FRY: variants seen among roughly 807,000 people sequenced by gnomAD.
FRY encodes the protein protein furry homolog.
In FRY, 128 loss-of-function variants were observed where a neutral mutation model predicts 348.4. The ratio of observed to expected loss-of-function variants is 0.37; its 90% CI spans 0.32 to 0.43. The LOEUF (loss-of-function observed/expected upper bound fraction) is 0.43, where lower values mean the gene tolerates loss of function less well. Ranked by LOEUF, FRY falls within the 20% of genes least tolerant of loss-of-function variation. The pLI, the probability that FRY is intolerant of heterozygous loss-of-function variation, is 1.00. For synonymous variants in FRY, 1,370 were observed against 1,374.7 expected, an observed-to-expected ratio of 1.00 and a Z score of 0.08; for missense variants, 2,736 against 3,695.2, an observed-to-expected ratio of 0.74 and a Z score of 6.73.
intron 20 of FRY, among the ~76,000 whole-genome samples, chr13:32,176,376 A>G (rs543797431): frequency 6.6e-6 from 1 of 152,334 alleles, no homozygotes; most frequent in African/African-American, 2.4e-5. Context: ...CATGTTACTG[A>G]TGTTGCTGAT....
In FRY at chr13:32,239,969, C is replaced by A. The variant is rs1257874867; in HGVS notation, c.6687+88C>A. The stretch of plus-strand genomic sequence containing the variant: ...CTCTTGGGCTCAAGCAGTCCTCCTG[C>A]CTTCGCCTCCCAGAGTGCTAGGATT... On this transcript the variant is annotated intron_variant, in intron 46 of 60. Coordinates refer to ENST00000542859, the MANE Select transcript of FRY (RefSeq NM_023037.3). The surrounding 1 kb of genome is among the most constrained non-coding windows in gnomAD (Gnocchi z 4.3). 1.8e-6 allele frequency: 2 copies of A among 1,105,710 alleles called. No individual in the cohort carries two copies. The highest frequency in any genetic ancestry group is 1.6e-5 in the African/African-American group (1 of 64,410). The allele number at this position is 1,105,710 out of a possible 1,614,324, so 68.5% of individuals were successfully genotyped here.
intron 30 of FRY, 77 bp downstream of exon 30, chr13:32,202,117 G>A (rs1884064388): frequency 2.2e-6 from 2 of 906,456 alleles, no homozygotes; most frequent in Non-Finnish European, 3.7e-6. Context: ...TTACCTAATA[G>A]CTGTTTATTG....
Position 32,077,752 on chromosome 13 carries a change from C to T in FRY, c.71-1082C>T, listed in dbSNP as rs143412982. Among the ~76,000 whole-genome samples, 95 of 152,270 alleles carry T rather than the reference C, an allele frequency of 6.2e-4. 1 individual carries two copies. The East Asian group carries it at 0.016, about 25-fold the overall frequency. ...TCATGGAGAAAGAACTTTGTTTTGCCTTTAATATTGATGACACCACCATTC... is the reference window on the plus strand; with the variant it reads ...TCATGGAGAAAGAACTTTGTTTTGCTTTTAATATTGATGACACCACCATTC... On this transcript the variant is annotated intron_variant, in intron 1 of 60. Transcript: ENST00000542859.
At chr13:32,264,826 A>G (rs950509829) in intron 53 of FRY, among the ~76,000 whole-genome samples, 6 of 152,170 alleles carry the variant, frequency 3.9e-5, no homozygotes, top group Non-Finnish European at 2.9e-5. Context: ...AGGATCCCCT[A>G]TATGGAAAGA....
chr13:32,295,141 A>G, intron 60 of FRY, 61 bp from the exon 61 acceptor site: 2 of 1,509,760 alleles, frequency 1.3e-6, no homozygotes, highest in South Asian at 1.1e-5. Flanking sequence ...ATGAAGACTC[A>G]TAAGCTCCCA....
chr13:32,138,446 G>C (rs534085258), intron 11 of FRY, among the ~76,000 whole-genome samples: 2 of 152,116 alleles, frequency 1.3e-5, no homozygotes, highest in African/African-American at 4.8e-5. Flanking sequence ...GTCTGAACTT[G>C]TTTTTGAAAC....
chr13:32,199,239 C>G (rs1430125439), intron 29 of FRY, among the ~76,000 whole-genome samples: 1 of 152,152 alleles, frequency 6.6e-6, no homozygotes, highest in Non-Finnish European at 1.5e-5. Context: ...CCAGAGAAGG[C>G]TTCAGATCAA....
At chr13:32,212,438 A>G in intron 35 of FRY, 56 bp downstream of exon 35, 1 of 974,374 alleles carries the variant, frequency 1.0e-6, no homozygotes, top group South Asian at 1.4e-5. Context: ...TAATCTATAC[A>G]TAGACATCAA....
At chr13:32,061,142 A>T in intron 1 of FRY, 1 of 533,394 alleles carries the variant, frequency 1.9e-6, no homozygotes, top group South Asian at 1.4e-5. Flanking sequence ...ATCCTGTGTG[A>T]TCAGCTTCAT....
intron 47 of FRY, among the ~76,000 whole-genome samples, chr13:32,245,274 A>G (rs567861884): frequency 5.4e-4 from 82 of 152,136 alleles, no homozygotes; most frequent in African/African-American, 1.9e-3. Flanking sequence ...CCGTACTCTG[A>G]GAAGACCAGA....
At chr13:32,032,917 C>G (rs1872317291) in intron 1 of FRY, among the ~76,000 whole-genome samples, 1 of 152,166 alleles carries the variant, frequency 6.6e-6, no homozygotes, top group Non-Finnish European at 1.5e-5. Flanking sequence ...ACACAAATGA[C>G]CTGTGGCCAA....
At chr13:32,158,086 A>G (rs1461902918) in intron 16 of FRY, among the ~76,000 whole-genome samples, 2 of 152,232 alleles carry the variant, frequency 1.3e-5, no homozygotes, top group Non-Finnish European at 2.9e-5. Flanking sequence ...TCAACTGCAA[A>G]TATAAGAATT....
intron 2 of FRY, among the ~76,000 whole-genome samples, chr13:32,093,774 C>T (rs1275115818): frequency 6.6e-6 from 1 of 152,204 alleles, no homozygotes; most frequent in Non-Finnish European, 1.5e-5. Context: ...CTGGTCAGAC[C>T]TAAGGTCTTC....
chr13:32,244,066 G>T lies in FRY; in HGVS notation c.6712G>T (p.Val2238Leu). 1 of 1,614,004 alleles carries T rather than the reference G, an allele frequency of 6.2e-7. No individual in the cohort carries two copies. The change falls in exon 47 of 61, where the codon GTG becomes TTG. Residue 2238 changes from valine (V) to leucine (L), a missense_variant. Around this residue, in one of 9 missense-constraint regions of FRY, gnomAD observed 789 missense variants for 996.2 expected, o/e 0.79. Coordinates refer to ENST00000542859, the MANE Select transcript of FRY (RefSeq NM_023037.3). ...AELLEKGLPS[V>L]QQPLLQVIYS... ...GCTGCTGGAGAAGGGCCTCCCTAGT[G>T]TGCAGCAGCCCCTGCTCCAGGTGAT...
At chr13:32,079,376 A>G (rs945743965) in intron 2 of FRY, among the ~76,000 whole-genome samples, 2 of 152,046 alleles carry the variant, frequency 1.3e-5, no homozygotes, top group Admixed American at 1.3e-4. Context: ...TATATCTCAT[A>G]TATATATATG....
Position 32,262,330 on chromosome 13 carries a change from C to G in FRY, c.7634C>G (p.Pro2545Arg), listed in dbSNP as rs200222242. 1.7e-5 allele frequency: 28 copies of G among 1,613,438 alleles called. No homozygotes were observed. The highest frequency in any genetic ancestry group is 2.1e-5 in the Non-Finnish European group (25 of 1,179,498). The change falls in exon 53 of 61, where the codon CCC becomes CGC. Residue 2545 changes from proline to arginine, a missense_variant. Coordinates refer to ENST00000542859, the MANE Select transcript of FRY (RefSeq NM_023037.3). Reference sequence around the variant, plus strand: ...TTTAAACAGATCATGACTCTCTCCCCCTCTGAAGAGACGAATCCCATGGAG... The same window carrying G: ...TTTAAACAGATCATGACTCTCTCCCGCTCTGAAGAGACGAATCCCATGGAG... ...EHSDLIMTLS[P>R]SEETNPMELL...
At chr13:32,287,924 A>G in intron 58 of FRY, 2 of 1,141,760 alleles carry the variant, frequency 1.8e-6, no homozygotes, top group Non-Finnish European at 2.4e-6. Context: ...CCATTTAGGC[A>G]TGGACCCATA....
intron 7 of FRY, among the ~76,000 whole-genome samples, chr13:32,125,093 G>C (rs545488522): frequency 6.6e-6 from 1 of 152,284 alleles, no homozygotes; most frequent in South Asian, 2.1e-4. Context: ...TAGAGTCCAT[G>C]GGTTTCATAC....
intron 29 of FRY, among the ~76,000 whole-genome samples, chr13:32,195,459 C>A (rs1399895027): frequency 6.6e-6 from 1 of 152,018 alleles, no homozygotes; most frequent in African/African-American, 2.4e-5. Flanking sequence ...GTTCACATGA[C>A]CCTTTGATTT....
Sources: allele counts gnomAD v4.1 joint callset (sites outside exome capture counted in the v4.1 genomes callset), GRCh38; gene constraint gnomAD v4.1.1; regional missense constraint gnomAD v4.1.1; non-coding constraint Gnocchi (gnomAD v3.1); transcripts MANE v1.5; gene names NCBI Gene and HGNC (gene_info 2026-07-23, HGNC 2026-07-21).